Variants in ZNF626 observed in about 807,000 individuals in gnomAD.
ZNF626 encodes zinc finger protein 626, also known as CTC-513N18.7.
ZNF626 carries 4 observed loss-of-function variants against 11.7 expected under a neutral mutation model. That is an observed-to-expected ratio of 0.34 (90% CI 0.17 to 0.78). The LOEUF (loss-of-function observed/expected upper bound fraction) is 0.78. ZNF626 is among the 30% of genes least tolerant of loss of function. ZNF626 has a pLI of 0.57. For missense variants in ZNF626, 588 were observed against 587.1 expected (o/e 1.00, Z -0.01); for synonymous variants, 179 against 198.6 (o/e 0.90, Z 0.83).
At chr19:20,643,068 C>T (rs1203098908) in intron 3 of ZNF626, among the ~76,000 whole-genome samples, 1 of 151,486 alleles carries the variant, frequency 6.6e-6, no homozygotes, top group African/African-American at 2.4e-5. Context: ...GTATTATGTA[C>T]TCATCATATA....
chr19:20,660,476 G>A (rs1011566094), intron 1 of ZNF626, among the ~76,000 whole-genome samples: 1 of 152,018 alleles, frequency 6.6e-6, no homozygotes, highest in African/African-American at 2.4e-5. Flanking sequence ...ACGCAGGCTG[G>A]AGCGCGATGA....
intron 3 of ZNF626, among the ~76,000 whole-genome samples, chr19:20,644,278 T>C (rs1241605662): frequency 6.6e-6 from 1 of 152,212 alleles, no homozygotes; most frequent in Non-Finnish European, 1.5e-5. Flanking sequence ...ATCCACATCC[T>C]GATTTAAGGC....
intron 1 of ZNF626, among the ~76,000 whole-genome samples, chr19:20,649,565 T>TC (rs1970122998): frequency 6.6e-6 from 1 of 152,064 alleles, no homozygotes; most frequent in Non-Finnish European, 1.5e-5. Context: ...CATAAGGGAC[T>TC]CCATGGATGC....
At chr19:20,632,786 G>A (rs1022527335) in intron 3 of ZNF626, among the ~76,000 whole-genome samples, 7 of 152,080 alleles carry the variant, frequency 4.6e-5, no homozygotes, top group East Asian at 1.9e-4. Flanking sequence ...CTCTCAACTC[G>A]TCAAAGTCAT....
Position 20,625,488 on chromosome 19 carries a change from T to C in ZNF626, c.389A>G (p.Tyr130Cys), listed in dbSNP as rs1555769505. The C allele has an allele frequency of 6.2e-7, 1 of 1,614,092 alleles. No homozygotes were observed. Among genetic ancestry groups the C allele is most frequent in the African/African-American group, 1.3e-5 (1 of 75,046 alleles). Residue 130 changes from tyrosine to cysteine, a missense_variant, in exon 4 of 4, where the codon TAT becomes TGT. By Grantham distance (194) the Tyr-to-Cys change is radical. Coordinates refer to ENST00000601440, the MANE Select transcript of ZNF626 (RefSeq NM_001076675.3). ...VDECKVHKEG[Y>C]NELNQCLTTT... is the part of the protein sequence containing the mutation. The stretch of plus-strand genomic sequence containing the variant: ...TGTCAAACATTGGTTAAGTTCATTA[T>C]AACCTTCTTTGTGCACCTTACACTC...
chr19:20,631,374 T>C (rs1969903441), intron 3 of ZNF626, among the ~76,000 whole-genome samples: 1 of 152,230 alleles, frequency 6.6e-6, no homozygotes, highest in African/African-American at 2.4e-5. Context: ...CTGTCTAACG[T>C]TGACAGTGCA....
At chr19:20,635,431 C>A (rs1555770825) in intron 3 of ZNF626, among the ~76,000 whole-genome samples, 1 of 152,108 alleles carries the variant, frequency 6.6e-6, no homozygotes, top group African/African-American at 2.4e-5. Flanking sequence ...TAAGTGATTC[C>A]TCTGCCTCAG....
intron 3 of ZNF626, among the ~76,000 whole-genome samples, chr19:20,626,006 T>C (rs1194868916): frequency 6.6e-6 from 1 of 152,210 alleles, no homozygotes; most frequent in African/African-American, 2.4e-5. Flanking sequence ...CACACGCCTG[T>C]AGTCCCAGCA....
intron 1 of ZNF626, among the ~76,000 whole-genome samples, chr19:20,650,637 A>C (rs1970136363): frequency 1.3e-5 from 2 of 152,144 alleles, no homozygotes; most frequent in Non-Finnish European, 2.9e-5. Flanking sequence ...AAAAAGGGTG[A>C]ATCTCAACAG....
chr19:20,622,958 T>A lies in ZNF626; in HGVS notation c.*1332A>T, dbSNP rs1219057347. On this transcript the variant is annotated 3_prime_UTR_variant, in exon 4 of 4. Transcript: ENST00000601440. ...ACATTTGCAGGACCCTTCTCCAATA[T>A]AAGTTCTCTGATGTTGAGCAAAGCT... 1 of 152,072 alleles carries A rather than the reference T, an allele frequency of 6.6e-6. No homozygotes were observed. Among genetic ancestry groups the A allele is most frequent in the Admixed American group, 6.6e-5 (1 of 15,252 alleles). 9.4% of individuals were successfully genotyped at this position (152,072 alleles called of 1,614,324 possible).
intron 3 of ZNF626, among the ~76,000 whole-genome samples, chr19:20,628,025 C>T (rs1213158229): frequency 6.6e-6 from 1 of 152,194 alleles, no homozygotes; most frequent in East Asian, 1.9e-4. Context: ...TGAGAACATG[C>T]GGTGTTTGGT....
Position 20,624,084 on chromosome 19 carries a change from A to T in ZNF626, c.*206T>A. On this transcript the variant is annotated 3_prime_UTR_variant, in exon 4 of 4. Transcript: ENST00000601440. ...GTGAGGATAGGTGAAAAGCTTTACCACATTATTCACATCTGTAGGGTTTCT... is the reference window on the plus strand; with the variant it reads ...GTGAGGATAGGTGAAAAGCTTTACCTCATTATTCACATCTGTAGGGTTTCT... The T allele has an allele frequency of 3.4e-6, 3 of 882,526 alleles. No individual in the cohort carries two copies. The highest frequency in any genetic ancestry group is 5.7e-6 in the Non-Finnish European group (3 of 525,068). 54.7% of individuals were successfully genotyped at this position (882,526 alleles called of 1,614,324 possible).
At chr19:20,656,683 T>TA (rs143396017) in intron 1 of ZNF626, among the ~76,000 whole-genome samples, 47 of 143,748 alleles carry the variant, frequency 3.3e-4, no homozygotes, top group Admixed American at 1.0e-3. Flanking sequence ...CAAGCATTAT[T>TA]AAAAAAAAAA....
intron 3 of ZNF626, among the ~76,000 whole-genome samples, chr19:20,631,481 G>A (rs1362811894): frequency 4.6e-5 from 7 of 151,698 alleles, no homozygotes; most frequent in Non-Finnish European, 8.8e-5. Context: ...TGTATTGGGT[G>A]CATATATATT....
At chr19:20,642,126 T>A (rs1555771529) in intron 3 of ZNF626, among the ~76,000 whole-genome samples, 1 of 152,154 alleles carries the variant, frequency 6.6e-6, no homozygotes, top group African/African-American at 2.4e-5. Context: ...AAGCCATAAC[T>A]AAAACTGGGG....
chr19:20,661,375 C>T, intron 1 of ZNF626, 69 bp downstream of exon 1: 2 of 1,608,060 alleles, frequency 1.2e-6, no homozygotes, highest in Admixed American at 1.7e-5. Context: ...CTGAGTCCCG[C>T]CACAGCCACT....
At chr19:20,653,667 GAAAAA>G (rs1568462095) in intron 1 of ZNF626, among the ~76,000 whole-genome samples, 2 of 34,924 alleles carry the variant, frequency 5.7e-5, no homozygotes, top group African/African-American at 2.3e-3. Context: ...AAGAAAAAAA[GAAAAA>G]GAAAGGAAAA....
At chr19:20,645,222 A>G in intron 3 of ZNF626, 1 of 1,285,756 alleles carries the variant, frequency 7.8e-7, no homozygotes, top group Non-Finnish European at 9.9e-7. Context: ...AGTAATAAAA[A>G]CAGAATGGAC....
chr19:20,656,867 A>G (rs1555773172), intron 1 of ZNF626, among the ~76,000 whole-genome samples: 1 of 152,226 alleles, frequency 6.6e-6, no homozygotes, highest in African/African-American at 2.4e-5. Flanking sequence ...TAGTTCAACA[A>G]CAGTAAAAAG....
Sources: gnomAD v4.1 joint callset for allele counts (sites outside exome capture counted in the v4.1 genomes callset) on GRCh38, gnomAD v4.1.1 for gene constraint, MANE v1.5 for transcripts, NCBI Gene and HGNC (gene_info 2026-07-23, HGNC 2026-07-21) for gene names.